ZNF385D: variants seen among roughly 807,000 people sequenced by gnomAD.
ZNF385D encodes zinc finger protein 659.
Under a neutral mutation model 35.8 loss-of-function variants are expected in ZNF385D, and 15 were observed. The ratio of observed to expected loss-of-function variants is 0.42; its 90% CI spans 0.28 to 0.64. The LOEUF is 0.64. ZNF385D is among the 30% of genes least tolerant of loss of function. The pLI is 0.23. For missense variants in ZNF385D, 474 were observed against 494.6 expected (o/e 0.96, Z 0.39); for synonymous variants, 212 against 186.8 (o/e 1.13, Z -1.10).
intron 3 of ZNF385D, among the ~76,000 whole-genome samples, chr3:21,909,707 T>C (rs34802992): frequency 0.026 from 3,965 of 152,080 alleles, 82 homozygotes; most frequent in Non-Finnish European, 0.038. Context: ...GAAGAATGGA[T>C]GTGGAGTAAG....
chr3:21,773,595 TA>T (rs967807710), intron 3 of ZNF385D, among the ~76,000 whole-genome samples: 34 of 151,688 alleles, frequency 2.2e-4, no homozygotes, highest in African/African-American at 8.0e-4. Context: ...ACAATCCCAT[TA>T]AAAAGTGGGC....
chr3:21,461,118 A>C (rs9942080), intron 4 of ZNF385D, among the ~76,000 whole-genome samples: 1 of 152,142 alleles, frequency 6.6e-6, no homozygotes, highest in Non-Finnish European at 1.5e-5. Flanking sequence ...ATCACATATG[A>C]TATTTTAGGG....
At chr3:22,321,026 G>A (rs547309325) in intron 2 of ZNF385D, among the ~76,000 whole-genome samples, 1 of 152,002 alleles carries the variant, frequency 6.6e-6, no homozygotes, top group South Asian at 2.1e-4. Flanking sequence ...CCTGTTATAT[G>A]ATTTGATACA....
At chr3:22,305,553 A>G (rs1242150801) in intron 2 of ZNF385D, among the ~76,000 whole-genome samples, 3 of 152,044 alleles carry the variant, frequency 2.0e-5, no homozygotes, top group African/African-American at 7.2e-5. Flanking sequence ...TGCAGCCTCT[A>G]CCTCCTGGAG....
chr3:21,641,616 A>C (rs2065607456), intron 2 of ZNF385D, among the ~76,000 whole-genome samples: 1 of 140,636 alleles, frequency 7.1e-6, no homozygotes, highest in Non-Finnish European at 1.5e-5. Context: ...TCATTTTACT[A>C]TGCAGAACAA....
chr3:22,307,322 C>A (rs903805780), intron 2 of ZNF385D, among the ~76,000 whole-genome samples: 7 of 152,000 alleles, frequency 4.6e-5, no homozygotes, highest in Non-Finnish European at 7.4e-5. Context: ...TCTTTGAATG[C>A]CACAATGAAG....
chr3:21,783,683 T>C (rs79091589), intron 3 of ZNF385D, among the ~76,000 whole-genome samples: 16,612 of 152,072 alleles, frequency 0.11, 1,417 homozygotes, highest in East Asian at 0.4. Context: ...ACCTGACTTC[T>C]CTGCATGCAC....
chr3:21,751,926 G>A (rs1013647521), upstream of ZNF385D, among the ~76,000 whole-genome samples: 3 of 151,388 alleles, frequency 2.0e-5, no homozygotes, highest in Admixed American at 6.6e-5. Context: ...ACGGAGAGAC[G>A]ATTAGCCTGA....
At chr3:21,611,237 T>C (rs2064667689) in intron 2 of ZNF385D, among the ~76,000 whole-genome samples, 1 of 152,056 alleles carries the variant, frequency 6.6e-6, no homozygotes, top group Admixed American at 6.6e-5. Context: ...GAAGATGGGG[T>C]TCATGGGAGC....
chr3:21,845,753 C>A (rs897919704), intron 3 of ZNF385D, among the ~76,000 whole-genome samples: 1 of 151,932 alleles, frequency 6.6e-6, no homozygotes, highest in African/African-American at 2.4e-5. Flanking sequence ...ACTAGAAATG[C>A]GATTTTCGTG....
At chr3:22,275,836 G>A (rs1701399776) in intron 2 of ZNF385D, among the ~76,000 whole-genome samples, 1 of 152,138 alleles carries the variant, frequency 6.6e-6, no homozygotes, top group South Asian at 2.1e-4. Flanking sequence ...TGTAATCCCT[G>A]CACTTTGGGA....
chr3:21,769,425 T>C (rs1201402063), intron 3 of ZNF385D, among the ~76,000 whole-genome samples: 1 of 122,136 alleles, frequency 8.2e-6, no homozygotes, highest in Admixed American at 8.8e-5. Context: ...ATCACATGCA[T>C]TCTTATACAC....
chr3:21,939,059 A>G (rs1244719816), intron 3 of ZNF385D, among the ~76,000 whole-genome samples: 2 of 152,140 alleles, frequency 1.3e-5, no homozygotes, highest in African/African-American at 4.8e-5. Context: ...TCACTAAACT[A>G]ATTTTCCATG....
intron 3 of ZNF385D, among the ~76,000 whole-genome samples, chr3:21,776,746 AGTGAT>A (rs1195402820): frequency 6.6e-6 from 1 of 151,966 alleles, no homozygotes; most frequent in Non-Finnish European, 1.5e-5. Context: ...AATATATACA[AGTGAT>A]GTTTACAAAT....
At chr3:21,804,936 T>C (rs1456981542) in intron 3 of ZNF385D, among the ~76,000 whole-genome samples, 1 of 152,234 alleles carries the variant, frequency 6.6e-6, no homozygotes, top group East Asian at 1.9e-4. Context: ...CATTATTTCT[T>C]ATGACTAGAA....
At position 22,251,670 on chromosome 3, in the gene ZNF385D, T is replaced by A. The variant is rs75332862; in HGVS notation, c.107-82635A>T. 5.9e-3 allele frequency among the ~76,000 whole-genome samples: 897 copies of A among 152,166 alleles called. 11 individuals carry two copies. Among genetic ancestry groups the A allele is most frequent in the African/African-American group, 0.02 (847 of 41,536 alleles). On this transcript the variant is annotated intron_variant, in intron 2 of 5. Coordinates refer to the ZNF385D transcript ENST00000494108. Reference sequence around the variant, plus strand: ...TGTGAGAACCAAAATGTCTCCAACATTGCCAAATGACCCTTTAAATGGGGG... The same window carrying A: ...TGTGAGAACCAAAATGTCTCCAACAATGCCAAATGACCCTTTAAATGGGGG...
chr3:21,669,443 CAA>C (rs1255611206), intron 1 of ZNF385D, among the ~76,000 whole-genome samples: 1 of 152,056 alleles, frequency 6.6e-6, no homozygotes, highest in Non-Finnish European at 1.5e-5. Flanking sequence ...CGTATATTCA[CAA>C]AAGTACTAAC....
rs568404406 is a variant in ZNF385D, at chr3:21,938,571, AT to A, written c.325+230245del. 2.5e-3 allele frequency among the ~76,000 whole-genome samples: 376 copies of A among 152,260 alleles called. 1 individual carries two copies. The highest frequency in any genetic ancestry group is 8.6e-3 in the African/African-American group (358 of 41,532). On this transcript the variant is annotated intron_variant, in intron 3 of 5. Transcript: ENST00000494108. ...CTCCCTACTGTCTCACAATGAAACTATTATTTACATTTTAAGCATGTCTACA... is the reference window on the plus strand; with the variant it reads ...CTCCCTACTGTCTCACAATGAAACTATATTTACATTTTAAGCATGTCTACA...
intron 2 of ZNF385D, among the ~76,000 whole-genome samples, chr3:22,174,375 T>C (rs1417090414): frequency 2.0e-5 from 3 of 152,212 alleles, no homozygotes; most frequent in African/African-American, 7.2e-5. Flanking sequence ...ACAATCTGAA[T>C]TGACAATGAA....
Sources: gnomAD v4.1 joint callset for allele counts (sites outside exome capture counted in the v4.1 genomes callset) on GRCh38, gnomAD v4.1.1 for gene constraint, MANE v1.5 for transcripts, NCBI Gene and HGNC (gene_info 2026-07-23, HGNC 2026-07-21) for gene names.